Variants in MGMT observed in about 807,000 individuals in gnomAD.
The protein encoded by MGMT is methylated-DNA--protein-cysteine methyltransferase.
MGMT carries 14 observed loss-of-function variants against 15.9 expected under a neutral mutation model. The observed-to-expected ratio is 0.88, with a 90% CI of 0.58 to 1.37. The LOEUF (loss-of-function observed/expected upper bound fraction) is 1.37. Among genes scored for constraint, MGMT ranks in the 40% most tolerant of loss-of-function variants. MGMT has a pLI of 0.00. For synonymous variants in MGMT, 130 were observed against 118.2 expected, an observed-to-expected ratio of 1.10 and a Z score of -0.65; for missense variants, 282 against 268.1, an observed-to-expected ratio of 1.05 and a Z score of -0.36.
At chr10:129,718,716 T>C (rs1260760342) in intron 3 of MGMT, among the ~76,000 whole-genome samples, 2 of 152,142 alleles carry the variant, frequency 1.3e-5, no homozygotes, top group African/African-American at 4.8e-5. Context: ...TCCTGGGCTG[T>C]CTAGAGCCAG....
At chr10:129,701,706 A>C (rs1244533187) in intron 2 of MGMT, 1 of 152,142 alleles carries the variant, frequency 6.6e-6, no homozygotes, top group East Asian at 1.9e-4. Context: ...GGCTGAGATC[A>C]AGACTCCTGG....
intron 2 of MGMT, among the ~76,000 whole-genome samples, chr10:129,689,138 C>T (rs892935393): frequency 1.3e-5 from 2 of 152,144 alleles, no homozygotes; most frequent in African/African-American, 2.4e-5. Context: ...CCACTTTGCC[C>T]AGGTTTGTCT....
intron 2 of MGMT, among the ~76,000 whole-genome samples, chr10:129,703,075 C>T (rs1020888193): frequency 6.6e-6 from 1 of 152,170 alleles, no homozygotes; most frequent in African/African-American, 2.4e-5. Flanking sequence ...TAATGCCATT[C>T]ATTTTAAATG....
intron 2 of MGMT, among the ~76,000 whole-genome samples, chr10:129,617,508 GCTT>G (rs1041482259): frequency 3.1e-4 from 47 of 152,288 alleles, no homozygotes; most frequent in African/African-American, 1.1e-3. Context: ...TCACCAAACT[GCTT>G]TCCACAGTGG....
At chr10:129,486,172 CTTCTCT>C (rs1451323346) in intron 1 of MGMT, among the ~76,000 whole-genome samples, 14 of 133,564 alleles carry the variant, frequency 1.0e-4, no homozygotes, top group African/African-American at 3.1e-4. Context: ...GTTCTCTTCT[CTTCTCT>C]TTTTTTTTTT....
At chr10:129,702,172 T>C (rs893022148) in intron 2 of MGMT, 1 of 152,316 alleles carries the variant, frequency 6.6e-6, no homozygotes, top group African/African-American at 2.4e-5. Context: ...CGGGAGCTTC[T>C]ACCCAGGGCA....
At chr10:129,684,655 C>G (rs934430961) in intron 2 of MGMT, among the ~76,000 whole-genome samples, 1 of 152,128 alleles carries the variant, frequency 6.6e-6, no homozygotes, top group African/African-American at 2.4e-5. Context: ...CAGAATGGAG[C>G]CTTGAAGTTG....
intron 3 of MGMT, among the ~76,000 whole-genome samples, chr10:129,758,255 T>C (rs1351823604): frequency 6.6e-6 from 1 of 152,170 alleles, no homozygotes; most frequent in African/African-American, 2.4e-5. Context: ...GTGTAATTAG[T>C]GTTCTTGTGG....
chr10:129,489,962 T>A (rs950746554), intron 1 of MGMT, among the ~76,000 whole-genome samples: 2 of 152,152 alleles, frequency 1.3e-5, no homozygotes, highest in Non-Finnish European at 2.9e-5. Context: ...CCATTTTAAG[T>A]CGATGTGGGG....
chr10:129,688,155 G>A (rs1847930735), intron 2 of MGMT, among the ~76,000 whole-genome samples: 1 of 152,194 alleles, frequency 6.6e-6, no homozygotes, highest in African/African-American at 2.4e-5. Flanking sequence ...AAACATACGT[G>A]TGCATGTGCC....
intron 2 of MGMT, among the ~76,000 whole-genome samples, chr10:129,539,039 T>C (rs573985886): frequency 3.9e-5 from 6 of 152,380 alleles, no homozygotes; most frequent in African/African-American, 1.4e-4. Context: ...TGTATTGTGA[T>C]GATTTTCTCA....
chr10:129,759,398 G>T lies in MGMT; in HGVS notation c.414+57G>T, dbSNP rs1295612897. 3.7e-6 allele frequency: 6 copies of T among 1,610,190 alleles called. No individual in the cohort carries two copies. The South Asian group carries it at 4.4e-5, about 12-fold the overall frequency. On this transcript the variant is annotated intron_variant, in intron 4 of 4. Coordinates refer to ENST00000651593, the MANE Select transcript of MGMT (RefSeq NM_002412.5). The stretch of plus-strand genomic sequence containing the variant: ...GTGGCGGGTGCGTGCAGGTGGCAGG[G>T]TGTCATCTGATCCCACGTGTTTCCT...
intron 1 of MGMT, among the ~76,000 whole-genome samples, chr10:129,523,483 G>A (rs553508865): frequency 3.9e-5 from 6 of 152,296 alleles, no homozygotes; most frequent in South Asian, 4.1e-4. Flanking sequence ...CTGAGGTCTC[G>A]GATGTCTCGG....
intron 1 of MGMT, among the ~76,000 whole-genome samples, chr10:129,469,788 C>T (rs565138489): frequency 1.3e-5 from 2 of 152,302 alleles, no homozygotes; most frequent in East Asian, 3.9e-4. Context: ...CTCCCTGCAG[C>T]CTCAAGCTCC....
chr10:129,475,917 G>A (rs191122858), intron 1 of MGMT, among the ~76,000 whole-genome samples: 1 of 152,370 alleles, frequency 6.6e-6, no homozygotes, highest in East Asian at 1.9e-4. Context: ...AAGAGCACAG[G>A]CTCTTGGAAA....
At chr10:129,630,619 G>GT (rs1205119215) in intron 2 of MGMT, among the ~76,000 whole-genome samples, 1 of 152,218 alleles carries the variant, frequency 6.6e-6, no homozygotes, top group Non-Finnish European at 1.5e-5. Context: ...CTGAAGGCCT[G>GT]TGGATGGGTG....
intron 2 of MGMT, among the ~76,000 whole-genome samples, chr10:129,599,211 A>G (rs1175628761): frequency 2.0e-5 from 3 of 152,200 alleles, no homozygotes; most frequent in African/African-American, 7.2e-5. Context: ...ACAGTCAGCT[A>G]TATTGGATTG....
chr10:129,506,473 G>A (rs1845626618), intron 1 of MGMT, among the ~76,000 whole-genome samples: 1 of 152,090 alleles, frequency 6.6e-6, no homozygotes, highest in Non-Finnish European at 1.5e-5. Context: ...TCCCCTTGCA[G>A]CCACATACTT....
intron 1 of MGMT, 75 bp downstream of exon 1, chr10:129,467,371 C>T: frequency 2.8e-6 from 4 of 1,418,328 alleles, no homozygotes; most frequent in Non-Finnish European, 1.8e-6. Flanking sequence ...TCGAGTGGTC[C>T]TGCAGGCGCC....
Sources: allele counts gnomAD v4.1 joint callset (sites outside exome capture counted in the v4.1 genomes callset), GRCh38; gene constraint gnomAD v4.1.1; transcripts MANE v1.5; gene names NCBI Gene and HGNC (gene_info 2026-07-23, HGNC 2026-07-21).